Variants in SESN1 observed in about 807,000 individuals in gnomAD.
SESN1 encodes the protein sestrin 1.
SESN1 carries 30 observed loss-of-function variants against 59.3 expected under a neutral mutation model. The ratio of observed to expected loss-of-function variants is 0.51; its 90% CI spans 0.38 to 0.69. SESN1 has a LOEUF of 0.69. Ranked by LOEUF, SESN1 falls within the 30% of genes least tolerant of loss-of-function variation. The pLI is 0.00. For synonymous variants in SESN1, 197 were observed against 219.9 expected, an observed-to-expected ratio of 0.90 and a Z score of 0.92; for missense variants, 566 against 673.0, an observed-to-expected ratio of 0.84 and a Z score of 1.76.
chr6:109,042,540 A>C (rs545220396), intron 1 of SESN1, among the ~76,000 whole-genome samples: 1 of 151,668 alleles, frequency 6.6e-6, no homozygotes, highest in Non-Finnish European at 1.5e-5. Context: ...CGAAAAAAAA[A>C]AAACAAACCT....
chr6:109,002,783 A>G (rs1779654315), intron 1 of SESN1, among the ~76,000 whole-genome samples: 3 of 152,244 alleles, frequency 2.0e-5, no homozygotes, highest in African/African-American at 7.2e-5. Flanking sequence ...TGTAATTATT[A>G]TTACATCTAA....
At chr6:109,010,018 A>G (rs1779829839) in intron 1 of SESN1, among the ~76,000 whole-genome samples, 1 of 152,164 alleles carries the variant, frequency 6.6e-6, no homozygotes, top group South Asian at 2.1e-4. Context: ...CTGAATCGGC[A>G]GCAGAATGCA....
intron 1 of SESN1, among the ~76,000 whole-genome samples, chr6:109,093,338 G>C (rs150876895): frequency 7.2e-4 from 110 of 152,244 alleles, no homozygotes; most frequent in Non-Finnish European, 1.3e-3. Flanking sequence ...TGAAAAAAGA[G>C]AGGTTGCATT....
chr6:109,068,635 A>G (rs1780875262), intron 1 of SESN1, among the ~76,000 whole-genome samples: 1 of 152,180 alleles, frequency 6.6e-6, no homozygotes, highest in Non-Finnish European at 1.5e-5. Context: ...ATAGAAGAGT[A>G]ATTTGAGATT....
intron 1 of SESN1, among the ~76,000 whole-genome samples, chr6:109,014,000 T>G (rs1447428700): frequency 6.6e-6 from 1 of 151,944 alleles, no homozygotes; most frequent in Non-Finnish European, 1.5e-5. Context: ...TCTTATTTGC[T>G]CTATACTTTT....
intron 1 of SESN1, chr6:109,009,265 G>C: frequency 8.7e-7 from 1 of 1,150,084 alleles, no homozygotes; most frequent in Non-Finnish European, 1.1e-6. Context: ...CGACTGTGAG[G>C]AGGCAACGTG....
rs146023425 is a variant in SESN1, at chr6:109,032,351, G to A, written c.280-30008C>T. 1.2e-3 allele frequency among the ~76,000 whole-genome samples: 190 copies of A among 152,288 alleles called. 1 individual carries two copies. The highest frequency in any genetic ancestry group is 4.2e-3 in the African/African-American group (174 of 41,554). On this transcript the variant is annotated intron_variant, in intron 1 of 9. Transcript: ENST00000436639. ...TGAAAAGGTAAGGCTGGGCGCAGTG[G>A]CTCACGCCTGTAATCCCAGCACTTT...
intron 1 of SESN1, among the ~76,000 whole-genome samples, chr6:109,062,230 G>A (rs558726817): frequency 5.3e-5 from 8 of 152,306 alleles, no homozygotes; most frequent in Admixed American, 3.9e-4. Flanking sequence ...AGAGAAATCC[G>A]AAAAATGAAC....
chr6:109,084,407 A>T (rs558078337), intron 1 of SESN1, among the ~76,000 whole-genome samples: 2 of 152,144 alleles, frequency 1.3e-5, no homozygotes, highest in African/African-American at 4.8e-5. Context: ...CTAAAAATAT[A>T]GCCGGGCATC....
intron 1 of SESN1, among the ~76,000 whole-genome samples, chr6:109,033,051 C>A (rs1261955830): frequency 1.3e-5 from 2 of 151,980 alleles, no homozygotes; most frequent in African/African-American, 4.8e-5. Flanking sequence ...GTTAAAGGTA[C>A]AGACAATGCT....
intron 1 of SESN1, among the ~76,000 whole-genome samples, chr6:109,082,432 TCA>T (rs1275047457): frequency 6.6e-6 from 1 of 152,188 alleles, no homozygotes; most frequent in Admixed American, 6.5e-5. Flanking sequence ...ACTTGCCCAG[TCA>T]CACAGTTTGG....
chr6:108,992,460 A>G (rs767587988), intron 7 of SESN1, among the ~76,000 whole-genome samples: 1 of 152,078 alleles, frequency 6.6e-6, no homozygotes, highest in African/African-American at 2.4e-5. Flanking sequence ...TGGTTCTCAA[A>G]TATTTTCATA....
chr6:109,038,518 A>C, intron 1 of SESN1, among the ~76,000 whole-genome samples: 1 of 152,176 alleles, frequency 6.6e-6, no homozygotes. Flanking sequence ...AAAACAACAC[A>C]AGTCTTTAGC....
chr6:109,031,336 TGA>T (rs1780179068), intron 1 of SESN1, among the ~76,000 whole-genome samples: 1 of 152,158 alleles, frequency 6.6e-6, no homozygotes, highest in African/African-American at 2.4e-5. Flanking sequence ...TGACTGTGCA[TGA>T]GAAGCTCAAG....
At position 109,094,282 on chromosome 6, in the gene SESN1, G is replaced by A. The variant is rs1276984189; in HGVS notation, c.-209C>T. 7.1e-6 allele frequency: 4 copies of A among 565,438 alleles called. No individual in the cohort carries two copies. Among genetic ancestry groups the A allele is most frequent in the East Asian group, 6.0e-5 (2 of 33,556 alleles). The allele number at this position is 565,438 out of a possible 1,614,324, so 35.0% of individuals were successfully genotyped here. A position where few individuals can be genotyped will look rare whatever the true frequency, so the allele number is the denominator to read the frequency against. On this transcript the variant is annotated 5_prime_UTR_variant, in exon 1 of 10. Coordinates refer to ENST00000436639, the MANE Select transcript of SESN1 (RefSeq NM_014454.3). ...TCTCACCCTCTCCTTGTACACGAAAGGGCAGTCTTCTTTCTGGAAAAACAA... is the reference window on the plus strand; with the variant it reads ...TCTCACCCTCTCCTTGTACACGAAAAGGCAGTCTTCTTTCTGGAAAAACAA...
In SESN1 at chr6:109,047,372, C is replaced by T. The variant is rs112158660; in HGVS notation, c.280-45029G>A. On this transcript the variant is annotated intron_variant, in intron 1 of 9. Coordinates refer to ENST00000436639, the MANE Select transcript of SESN1 (RefSeq NM_014454.3). ...GGGGTCAGCCCCCTGCCCGGCCAGC[C>T]GCCCCGTCCGGGAGGTGAGGGGCGC... Among the ~76,000 whole-genome samples the T allele has an allele frequency of 9.8e-5, 13 of 132,300 alleles. No individual in the cohort carries two copies. The East Asian group carries it at 2.6e-3, about 27-fold the overall frequency. 86.8% of individuals were successfully genotyped at this position (132,300 alleles called of 152,430 possible).
intron 1 of SESN1, among the ~76,000 whole-genome samples, chr6:109,023,636 A>G (rs1052703438): frequency 2.0e-5 from 3 of 152,172 alleles, no homozygotes; most frequent in Non-Finnish European, 1.5e-5. Context: ...TGAAATTACA[A>G]CTACTGGCAC....
At position 109,009,408 on chromosome 6, in the gene SESN1, G is replaced by T. The variant is rs1324549257; in HGVS notation, c.280-7065C>A. On this transcript the variant is annotated intron_variant, in intron 1 of 9. Transcript: ENST00000436639. ...GCACTGCTTGCAGCCCAGCAGCCCC[G>T]AGACCGCCAAAGGGGCCGTGTACGC... The T allele has an allele frequency of 2.1e-6, 3 of 1,458,708 alleles. No individual in the cohort carries two copies. The South Asian group carries it at 3.9e-5, about 19-fold the overall frequency. The allele number at this position is 1,458,708 out of a possible 1,614,324, so 90.4% of individuals were successfully genotyped here. A position where few individuals can be genotyped will look rare whatever the true frequency, so the allele number is the denominator to read the frequency against.
chr6:109,041,760 T>C (rs1726388065), intron 1 of SESN1, among the ~76,000 whole-genome samples: 1 of 152,002 alleles, frequency 6.6e-6, no homozygotes, highest in Admixed American at 6.6e-5. Context: ...GCAGGAGACT[T>C]CAACATTCCT....
Sources: gnomAD v4.1 joint callset for allele counts (sites outside exome capture counted in the v4.1 genomes callset) on GRCh38, gnomAD v4.1.1 for gene constraint, MANE v1.5 for transcripts, NCBI Gene and HGNC (gene_info 2026-07-23, HGNC 2026-07-21) for gene names.